WNK3: variants seen among roughly 807,000 people sequenced by gnomAD.
WNK3 encodes serine/threonine-protein kinase WNK3.
A neutral mutation model predicts 116.7 loss-of-function variants in WNK3; 18 were observed. The ratio of observed to expected loss-of-function variants is 0.15; its 90% CI spans 0.11 to 0.23. The LOEUF is 0.23. WNK3 is among the 10% of genes least tolerant of loss of function. WNK3 has a pLI of 1.00. For missense variants in WNK3, 993 were observed against 1,323.8 expected (o/e 0.75, Z 3.88); for synonymous variants, 404 against 469.4 (o/e 0.86, Z 1.80).
rs1870623372 is a variant in WNK3, at chrX:54,333,605, T to G, written c.69A>C (p.Glu23Asp). ...TTGCAGCGACCTGGGGAACTCTGTT[T>G]TCAAATGAAATTCCATCAGGTTTCT... Residue 23 changes from glutamate to aspartate, a missense_variant, in exon 2 of 24, where the codon GAA (glutamate) becomes GAC (aspartate). Physicochemically the swap from Glu to Asp is conservative, Grantham distance 45. This residue lies in a region of WNK3 where 92 missense variants were observed against 98.7 expected (regional missense o/e 0.93). Coordinates refer to ENST00000354646, the Ensembl canonical transcript of WNK3. 38 of 1,206,650 alleles carry G rather than the reference T, an allele frequency of 3.1e-5. No individual in the cohort carries two copies. The highest frequency in any genetic ancestry group is 4.1e-5 in the Non-Finnish European group (37 of 894,984).
At chrX:54,318,097 G>A (rs1557171408) in intron 2 of WNK3, among the ~76,000 whole-genome samples, 1 of 109,293 alleles carries the variant, frequency 9.1e-6, no homozygotes, top group Non-Finnish European at 1.9e-5. Flanking sequence ...AGTGGCTCAC[G>A]CCTGTAATCC....
intron 5 of WNK3, among the ~76,000 whole-genome samples, chrX:54,306,634 G>T (rs1433953610): frequency 4.5e-5 from 5 of 111,132 alleles, no homozygotes; most frequent in African/African-American, 1.6e-4. Context: ...GAGACTGGGA[G>T]TTGTGGGGGA....
chrX:54,304,873 A>G (rs1557168289), intron 5 of WNK3, among the ~76,000 whole-genome samples: 1 of 111,734 alleles, frequency 8.9e-6, no homozygotes, highest in African/African-American at 3.2e-5. Flanking sequence ...ACAGTGGCCC[A>G]CACCTGTAAT....
At chrX:54,192,956 T>C (rs2067412549) in exon 24 of WNK3, 2 of 106,984 alleles carry the variant, frequency 1.9e-5, no homozygotes. Context: ...GAAATAAAAA[T>C]CACAGTTTCA....
At chrX:54,339,324 T>C (rs1557176004) in intron 1 of WNK3, among the ~76,000 whole-genome samples, 1 of 111,212 alleles carries the variant, frequency 9.0e-6, no homozygotes, top group African/African-American at 3.3e-5. Flanking sequence ...GTCAATACTA[T>C]CAACCAACTT....
At chrX:54,354,762 G>C (rs1198678150) in intron 1 of WNK3, among the ~76,000 whole-genome samples, 1 of 111,630 alleles carries the variant, frequency 9.0e-6, no homozygotes, top group Non-Finnish European at 1.9e-5. Context: ...AAAAAAATTA[G>C]GCCCTCTGTT....
intron 22 of WNK3, among the ~76,000 whole-genome samples, chrX:54,203,026 T>C (rs2067517667): frequency 8.9e-6 from 1 of 111,755 alleles, no homozygotes; most frequent in Non-Finnish European, 1.9e-5. Context: ...TGTACCATAC[T>C]GACTTTTAAG....
chrX:54,250,006 G>A, exon 16 of WNK3: 1 of 1,202,134 alleles, frequency 8.3e-7, no homozygotes, highest in Non-Finnish European at 1.1e-6. Flanking sequence ...GGAAGTGGAT[G>A]TCGGCCAGGA....
intron 17 of WNK3, 104 bp from the exon 18 acceptor site, chrX:54,239,203 TA>T (rs375257100): frequency 0.03 from 9,560 of 316,147 alleles, no homozygotes; most frequent in Middle Eastern, 0.037. Flanking sequence ...GTGAAGCTTT[TA>T]AAAAAAAAAA....
chrX:54,224,719 G>A (rs1440552030), intron 22 of WNK3, among the ~76,000 whole-genome samples: 3 of 109,377 alleles, frequency 2.7e-5, no homozygotes, highest in Non-Finnish European at 3.8e-5. Context: ...ACAGGCGCCC[G>A]CCACCACACT....
At chrX:54,294,879 C>G in intron 7 of WNK3, 32 bp from the exon 8 acceptor site, 1 of 1,087,791 alleles carries the variant, frequency 9.2e-7, no homozygotes, top group South Asian at 2.3e-5. Flanking sequence ...CAAACTACTT[C>G]TTTAACATTT....
intron 8 of WNK3, 63 bp downstream of exon 8, chrX:54,294,490 T>G: frequency 1.1e-6 from 1 of 930,190 alleles, no homozygotes; most frequent in Non-Finnish European, 1.4e-6. Context: ...CCCTTCAAAA[T>G]AAATAAAGAT....
At chrX:54,298,851 C>T (rs1349040020) in intron 6 of WNK3, among the ~76,000 whole-genome samples, 3 of 112,080 alleles carry the variant, frequency 2.7e-5, no homozygotes, top group Non-Finnish European at 3.8e-5. Flanking sequence ...CTCTAAAGTA[C>T]GTTAAAAATT....
At chrX:54,320,741 C>T (rs1450524013) in intron 2 of WNK3, among the ~76,000 whole-genome samples, 2 of 109,531 alleles carry the variant, frequency 1.8e-5, no homozygotes, top group African/African-American at 6.6e-5. Flanking sequence ...CTATGTTGAC[C>T]AGGCTGGTCT....
chrX:54,283,852 G>T (rs2068548909), intron 10 of WNK3, among the ~76,000 whole-genome samples: 1 of 102,099 alleles, frequency 9.8e-6, no homozygotes, highest in African/African-American at 3.6e-5. Context: ...AAGCTGTTAG[G>T]ATATTCCTAG....
chrX:54,357,533 G>GC (rs1362431137), intron 1 of WNK3, among the ~76,000 whole-genome samples, 153 bp downstream of exon 1: 2 of 110,009 alleles, frequency 1.8e-5, no homozygotes, highest in South Asian at 4.0e-4. Flanking sequence ...CGGTCAAGCC[G>GC]CCCCCCGCTA....
intron 2 of WNK3, among the ~76,000 whole-genome samples, chrX:54,319,224 G>A (rs781944996): frequency 3.0e-3 from 328 of 110,885 alleles, no homozygotes; most frequent in Non-Finnish European, 4.8e-3. Context: ...GTGCAGTGGC[G>A]CGATCTCAGC....
At chrX:54,216,313 A>T (rs868966623) in intron 22 of WNK3, among the ~76,000 whole-genome samples, 5 of 101,383 alleles carry the variant, frequency 4.9e-5, no homozygotes, top group African/African-American at 8.0e-5. Flanking sequence ...ATATATATAT[A>T]TTTTGCAGCA....
chrX:54,343,127 A>G (rs782298550), intron 1 of WNK3, among the ~76,000 whole-genome samples: 2 of 110,922 alleles, frequency 1.8e-5, no homozygotes, highest in Non-Finnish European at 3.8e-5. Flanking sequence ...CTGGGATTAT[A>G]GGCATGAGTC....
Sources: allele counts gnomAD v4.1 joint callset (sites outside exome capture counted in the v4.1 genomes callset), GRCh38; gene constraint gnomAD v4.1.1; regional missense constraint gnomAD v4.1.1; transcripts MANE v1.5; gene names NCBI Gene and HGNC (gene_info 2026-07-23, HGNC 2026-07-21).